Variants in ETS2 observed in about 807,000 individuals in gnomAD.
The protein encoded by ETS2 is protein C-ets-2.
In ETS2, 19 loss-of-function variants were observed where a neutral mutation model predicts 54.9. That is an observed-to-expected ratio of 0.35 (90% CI 0.24 to 0.51). ETS2 has a LOEUF of 0.51. ETS2 is among the 20% of genes least tolerant of loss of function. The probability of loss-of-function intolerance (pLI) is 0.97; values close to 1 mark genes in which losing one functional copy is unlikely to be tolerated. For missense variants in ETS2, 417 were observed against 593.0 expected (o/e 0.70, Z 3.08); for synonymous variants, 219 against 229.3 (o/e 0.95, Z 0.41).
At chr21:38,820,499 A>G (rs1237796544) in intron 8 of ETS2, among the ~76,000 whole-genome samples, 2 of 152,144 alleles carry the variant, frequency 1.3e-5, no homozygotes, top group African/African-American at 4.8e-5. Flanking sequence ...GAAAGCCATT[A>G]TCGGTTTCAT....
At position 38,806,072 on chromosome 21, in the gene ETS2, C is replaced by A. The variant is rs904430725; in HGVS notation, c.-49C>A. On this transcript the variant is annotated 5_prime_UTR_variant, in exon 1 of 10. Transcript: ENST00000360938. The surrounding 1 kb of genome is among the most constrained non-coding windows in gnomAD (Gnocchi z 4.3). ...GCGCGCACCGAGCAGCCGCGGGCGC[C>A]GAGCAGCCACCGTCCCGACCAAGCG... The A allele has an allele frequency of 8.6e-7, 1 of 1,156,152 alleles. No individual in the cohort carries two copies. Among genetic ancestry groups the A allele is most frequent in the Non-Finnish European group, 1.1e-6 (1 of 930,246 alleles). 71.6% of individuals were successfully genotyped at this position (1,156,152 alleles called of 1,614,324 possible). A position where few individuals can be genotyped will look rare whatever the true frequency, so the allele number is the denominator to read the frequency against.
rs1452277377 is a variant in ETS2, at chr21:38,806,011, C to A, written c.-110C>A. On this transcript the variant is annotated 5_prime_UTR_variant, in exon 1 of 10. The change creates a new upstream start codon in the 5' untranslated region. Coordinates refer to ENST00000360938, the MANE Select transcript of ETS2 (RefSeq NM_005239.6). This position sits in a 1 kb window ranked among gnomAD's most constrained non-coding sequence, Gnocchi z 4.3. Reference sequence around the variant, plus strand: ...GCCGCCCGGCCAGCGTCCGGCCTCCCTGATCGTCTCTGGCCGGCGCCCTCG... The same window carrying A: ...GCCGCCCGGCCAGCGTCCGGCCTCCATGATCGTCTCTGGCCGGCGCCCTCG... 1.5e-5 allele frequency: 19 copies of A among 1,261,508 alleles called. No individual in the cohort carries two copies. Among genetic ancestry groups the A allele is most frequent in the Non-Finnish European group, 1.9e-5 (19 of 978,252 alleles). 78.1% of individuals were successfully genotyped at this position (1,261,508 alleles called of 1,614,324 possible).
rs2060893818 is a variant in ETS2, at chr21:38,806,519, T to C, written c.-1+399T>C. 2.0e-6 allele frequency: 2 copies of C among 984,640 alleles called. No individual in the cohort carries two copies. Among genetic ancestry groups the C allele is most frequent in the African/African-American group, 1.8e-5 (1 of 56,922 alleles). 61.0% of individuals were successfully genotyped at this position (984,640 alleles called of 1,614,324 possible). A position where few individuals can be genotyped will look rare whatever the true frequency, so the allele number is the denominator to read the frequency against. On this transcript the variant is annotated intron_variant, in intron 1 of 9. Coordinates refer to ENST00000360938, the MANE Select transcript of ETS2 (RefSeq NM_005239.6). This position sits in a 1 kb window ranked among gnomAD's most constrained non-coding sequence, Gnocchi z 4.3. ...GCGAACATGATTTCGCGAACGGGAG[T>C]GGGGGCACAGGAGAGCGTGTCCGAG...
intron 6 of ETS2, among the ~76,000 whole-genome samples, chr21:38,817,901 C>A (rs1405036549): frequency 4.6e-5 from 7 of 152,164 alleles, no homozygotes; most frequent in African/African-American, 1.4e-4. Flanking sequence ...AGTGGGACAC[C>A]CTGTGCCTGC....
chr21:38,810,052 C>G lies in ETS2; in HGVS notation c.18C>G (p.Ile6Met). 1 of 1,564,672 alleles carries G rather than the reference C, an allele frequency of 6.4e-7. No individual in the cohort carries two copies. Among genetic ancestry groups the G allele is most frequent in the Non-Finnish European group, 8.6e-7 (1 of 1,161,388 alleles). MNDFG[I>M]KNMDQVAPVA... Reference sequence around the variant, plus strand: ...TTTTTAAGATGAATGATTTCGGAATCAAGAATATGGACCAGGTAGCCCCTG... The same window carrying G: ...TTTTTAAGATGAATGATTTCGGAATGAAGAATATGGACCAGGTAGCCCCTG... The change falls in exon 2 of 10, where the codon ATC (isoleucine) becomes ATG (methionine). Residue 6 changes from isoleucine (I) to methionine (M), a missense_variant. Ile to Met is a conservative substitution (Grantham distance 10). Transcript: ENST00000360938.
Position 38,818,628 on chromosome 21 carries a change from T to C in ETS2, c.793T>C (p.Leu265=), listed in dbSNP as rs1464117924. The C allele has an allele frequency of 2.5e-6, 4 of 1,614,036 alleles. No individual in the cohort carries two copies. The highest frequency in any genetic ancestry group is 3.4e-6 in the Non-Finnish European group (4 of 1,180,026). ...SQDFPGSNLN[L]LTNNSGTPKD... is the part of the protein sequence containing the mutation. ...GGACTTCCCAGGCAGCAACTTGAAT[T>C]TGCTCACCAACAATTCTGGTAAGAT... The change falls in exon 7 of 10, where the codon TTG becomes CTG. Residue 265 remains leucine (L), a synonymous_variant. Transcript: ENST00000360938.
In ETS2 at chr21:38,814,378, T is replaced by G. The variant is rs2060924854; in HGVS notation, c.290T>G (p.Leu97Arg). The part of the protein sequence containing the change: ...FSGFKKEQRR[L>R]GIPKNPWLWS... ...GGCTTCAAAAAGGAACAGCGGCGCC[T>G]GGGCATTCCAAAGAGTAAGTACTGC... Residue 97 changes from leucine (L) to arginine (R), a missense_variant, in exon 4 of 10, where the codon CTG becomes CGG. Leu to Arg is a moderately radical substitution (Grantham distance 102). This residue lies in a region of ETS2 where 326 missense variants were observed against 426.1 expected (regional missense o/e 0.76). Coordinates refer to ENST00000360938, the MANE Select transcript of ETS2 (RefSeq NM_005239.6). The surrounding 1 kb of genome is among the most constrained non-coding windows in gnomAD (Gnocchi z 4.2). The G allele has an allele frequency of 4.3e-6, 7 of 1,614,002 alleles. No individual in the cohort carries two copies. The highest frequency in any genetic ancestry group is 3.3e-5 in the Admixed American group (2 of 60,006).
Position 38,814,464 on chromosome 21 carries a change from T to C in ETS2, c.304+72T>C, listed in dbSNP as rs2060925244. 1.5e-5 allele frequency: 23 copies of C among 1,575,616 alleles called. No homozygotes were observed. The highest frequency in any genetic ancestry group is 2.0e-5 in the Non-Finnish European group (23 of 1,154,932). On this transcript the variant is annotated intron_variant, in intron 4 of 9. Transcript: ENST00000360938. This position sits in a 1 kb window ranked among gnomAD's most constrained non-coding sequence, Gnocchi z 4.2. ...TCAGTGCAGTTGTTTGATCTTGACT[T>C]GTTTATTAAGCTTTTGCTTGGGGTA...
intron 8 of ETS2, among the ~76,000 whole-genome samples, chr21:38,820,372 C>CCTAA (rs1253717505): frequency 6.6e-6 from 1 of 152,074 alleles, no homozygotes; most frequent in African/African-American, 2.4e-5. Context: ...ATTGAAATTA[C>CCTAA]CTAACTTAAA....
At chr21:38,810,868 A>G (rs915499411) in intron 2 of ETS2, among the ~76,000 whole-genome samples, 6 of 152,190 alleles carry the variant, frequency 3.9e-5, no homozygotes, top group Non-Finnish European at 7.3e-5. Context: ...TCCTTTGTAT[A>G]TCATTATTGA....
At position 38,810,111 on chromosome 21, in the gene ETS2, G is replaced by A. The variant is rs2060908183; in HGVS notation, c.72+5G>A. The A allele has an allele frequency of 6.6e-7, 1 of 1,507,828 alleles. No homozygotes were observed. Among genetic ancestry groups the A allele is most frequent in the African/African-American group, 1.5e-5 (1 of 68,522 alleles). 93.4% of individuals were successfully genotyped at this position (1,507,828 alleles called of 1,614,324 possible). A position where few individuals can be genotyped will look rare whatever the true frequency, so the allele number is the denominator to read the frequency against. ...AGTTACAGAGGGACACTCAAGGTGA[G>A]TGGGCAAGTCTTAATTTTTTTTTTT... On this transcript the variant is annotated splice_donor_5th_base_variant and intron_variant, in intron 2 of 9. Transcript: ENST00000360938.
chr21:38,810,537 C>T (rs1191116008), intron 2 of ETS2, among the ~76,000 whole-genome samples: 1 of 152,148 alleles, frequency 6.6e-6, no homozygotes, highest in African/African-American at 2.4e-5. Context: ...GGGCAGCGCC[C>T]GTGGAATTGT....
intron 6 of ETS2, among the ~76,000 whole-genome samples, chr21:38,818,217 A>G (rs1184617170): frequency 3.3e-5 from 5 of 152,198 alleles, no homozygotes; most frequent in Admixed American, 6.5e-5. Context: ...CAGAGGCTGC[A>G]GTCATTTTGG....
rs971353719 is a variant in ETS2, at chr21:38,821,240, T to A, written c.1076-346T>A. On this transcript the variant is annotated intron_variant, in intron 8 of 9. Coordinates refer to ENST00000360938, the MANE Select transcript of ETS2 (RefSeq NM_005239.6). The surrounding 1 kb of genome is among the most constrained non-coding windows in gnomAD (Gnocchi z 4.2). ...TTGAAGGTTTTTACATAAGGAACAATTAAACCAGATGGGGAATTTTAATGC... is the reference window on the plus strand; with the variant it reads ...TTGAAGGTTTTTACATAAGGAACAAATAAACCAGATGGGGAATTTTAATGC... Among the ~76,000 whole-genome samples, 2 of 152,140 alleles carry A rather than the reference T, an allele frequency of 1.3e-5. No individual in the cohort carries two copies. The highest frequency in any genetic ancestry group is 4.8e-5 in the African/African-American group (2 of 41,424).
Position 38,822,859 on chromosome 21 carries a change from C to T in ETS2, c.1380C>T (p.Ile460=). 6.3e-7 allele frequency: 1 copy of T among 1,598,880 alleles called. No homozygotes were observed. Among genetic ancestry groups the T allele is most frequent in the Non-Finnish European group, 8.5e-7 (1 of 1,169,902 alleles). ...LGFTPEELHA[I]LGVQPDTED ...TCACGCCCGAGGAACTGCACGCCAT[C>T]CTGGGCGTCCAGCCCGACACGGAGG... Residue 460 remains isoleucine, a synonymous_variant, in exon 10 of 10, where the codon ATC becomes ATT. Coordinates refer to ENST00000360938, the MANE Select transcript of ETS2 (RefSeq NM_005239.6).
intron 2 of ETS2, among the ~76,000 whole-genome samples, chr21:38,811,630 C>CCAGAT (rs759420782): frequency 4.5e-4 from 69 of 152,264 alleles, no homozygotes; most frequent in Non-Finnish European, 8.4e-4. Flanking sequence ...GATGATGAAT[C>CCAGAT]CAGATATTAT....
Position 38,806,594 on chromosome 21 carries a change from C to T in ETS2, c.-1+474C>T. The T allele has an allele frequency of 1.0e-6, 1 of 985,314 alleles. No individual in the cohort carries two copies. The highest frequency in any genetic ancestry group is 1.7e-5 in the African/African-American group (1 of 57,324). The allele number at this position is 985,314 out of a possible 1,614,324, so 61.0% of individuals were successfully genotyped here. A position where few individuals can be genotyped will look rare whatever the true frequency, so the allele number is the denominator to read the frequency against. On this transcript the variant is annotated intron_variant, in intron 1 of 9. Coordinates refer to ENST00000360938, the MANE Select transcript of ETS2 (RefSeq NM_005239.6). The surrounding 1 kb of genome is among the most constrained non-coding windows in gnomAD (Gnocchi z 4.3). ...GGTGACTTCCTGGAGCGGCGCCGGGCCCGGAGGATCTGGGGCGCCCAAGAC... is the reference window on the plus strand; with the variant it reads ...GGTGACTTCCTGGAGCGGCGCCGGGTCCGGAGGATCTGGGGCGCCCAAGAC...
Position 38,817,052 on chromosome 21 carries a change from C to T in ETS2, c.550C>T (p.Leu184Phe). The T allele has an allele frequency of 1.9e-6, 3 of 1,612,980 alleles. No individual in the cohort carries two copies. Among genetic ancestry groups the T allele is most frequent in the South Asian group, 1.1e-5 (1 of 91,048 alleles). Reference sequence around the variant, plus strand: ...AGATCAATATGAAGAAAATTCACACCTCACCTCCGTTCCTCATTGGATTAA... The same window carrying T: ...AGATCAATATGAAGAAAATTCACACTTCACCTCCGTTCCTCATTGGATTAA... ...TEDQYEENSHLTSVPHWINSN... is the reference protein window; with the variant it reads ...TEDQYEENSHFTSVPHWINSN... Residue 184 changes from leucine (L) to phenylalanine (F), a missense_variant, in exon 6 of 10, where the codon CTC becomes TTC. Around this residue, in one of 3 missense-constraint regions of ETS2, gnomAD observed 326 missense variants for 426.1 expected, o/e 0.76. Coordinates refer to ENST00000360938, the MANE Select transcript of ETS2 (RefSeq NM_005239.6).
At chr21:38,807,964 A>G (rs901894478) in intron 1 of ETS2, among the ~76,000 whole-genome samples, 9 of 152,220 alleles carry the variant, frequency 5.9e-5, no homozygotes, top group African/African-American at 2.2e-4. Flanking sequence ...GAGAAATGAC[A>G]TAAAGCTCTA....
Sources: allele counts gnomAD v4.1 joint callset (sites outside exome capture counted in the v4.1 genomes callset), GRCh38; gene constraint gnomAD v4.1.1; regional missense constraint gnomAD v4.1.1; non-coding constraint Gnocchi (gnomAD v3.1); transcripts MANE v1.5; gene names NCBI Gene and HGNC (gene_info 2026-07-23, HGNC 2026-07-21).